KCNJ16: variants seen among roughly 807,000 people sequenced by gnomAD.
KCNJ16 encodes inward rectifier potassium channel 16.
A neutral mutation model predicts 18.5 loss-of-function variants in KCNJ16; 15 were observed. That is an observed-to-expected ratio of 0.81 (90% CI 0.54 to 1.25). The LOEUF is 1.25. KCNJ16 is among the 50% of genes most tolerant of loss of function. KCNJ16 has a pLI of 0.00. For synonymous variants in KCNJ16, 174 were observed against 186.5 expected, an observed-to-expected ratio of 0.93 and a Z score of 0.55; for missense variants, 523 against 525.7, an observed-to-expected ratio of 0.99 and a Z score of 0.05.
At chr17:70,095,448 ATAGAGG>A (rs1345795627) in intron 1 of KCNJ16, among the ~76,000 whole-genome samples, 1 of 152,190 alleles carries the variant, frequency 6.6e-6, no homozygotes, top group Non-Finnish European at 1.5e-5. Context: ...CAAACCATTT[ATAGAGG>A]AAGCCCGGCT....
At chr17:70,101,941 T>C (rs533365224) in intron 2 of KCNJ16, 1 of 152,298 alleles carries the variant, frequency 6.6e-6, no homozygotes, top group East Asian at 1.9e-4. Context: ...TTTTCTATAG[T>C]TTATGTTGTT....
At chr17:70,096,761 C>T (rs929221987) in intron 1 of KCNJ16, 12 of 384,256 alleles carry the variant, frequency 3.1e-5, no homozygotes, top group Admixed American at 1.3e-4. Context: ...CATCTCAGAG[C>T]GAGCGTGAAT....
intron 1 of KCNJ16, among the ~76,000 whole-genome samples, chr17:70,080,248 T>C (rs2071495874): frequency 6.6e-6 from 1 of 152,134 alleles, no homozygotes; most frequent in African/African-American, 2.4e-5. Flanking sequence ...AATAACTGTG[T>C]TTACAGTAGT....
chr17:70,110,810 A>G (rs1156624398), intron 2 of KCNJ16, among the ~76,000 whole-genome samples: 1 of 152,142 alleles, frequency 6.6e-6, no homozygotes, highest in Non-Finnish European at 1.5e-5. Context: ...ATGAAAAGGC[A>G]TCACTCAATT....
At chr17:70,092,529 GACAGATAGAT>G (rs1567782403) in intron 1 of KCNJ16, among the ~76,000 whole-genome samples, 14 of 61,822 alleles carry the variant, frequency 2.3e-4, no homozygotes, top group East Asian at 1.4e-3. Flanking sequence ...TAGATACATA[GACAGATAGAT>G]ATAGATAGAT....
At chr17:70,082,707 T>A (rs913317324) in intron 1 of KCNJ16, among the ~76,000 whole-genome samples, 2 of 152,134 alleles carry the variant, frequency 1.3e-5, no homozygotes, top group African/African-American at 4.8e-5. Context: ...CCACTATCTT[T>A]ATGGAGTAGG....
At chr17:70,096,218 CCTCACTGCTTGTGAGT>C (rs2072364933) in intron 1 of KCNJ16, among the ~76,000 whole-genome samples, 1 of 152,088 alleles carries the variant, frequency 6.6e-6, no homozygotes, top group Admixed American at 6.5e-5. Flanking sequence ...TCAGCAAAAG[CCTCACTGCTTGTGAGT>C]GTCCTGCATA....
chr17:70,108,218 G>A (rs2073020503), intron 2 of KCNJ16: 1 of 152,116 alleles, frequency 6.6e-6, no homozygotes. Flanking sequence ...GAACATAGCT[G>A]GTGTTCAATA....
chr17:70,083,201 T>C (rs1567776901), intron 1 of KCNJ16, among the ~76,000 whole-genome samples: 1 of 148,328 alleles, frequency 6.7e-6, no homozygotes, highest in African/African-American at 2.5e-5. Flanking sequence ...ATTATATATA[T>C]TATATATATA....
At chr17:70,107,614 G>A (rs942928463) in intron 2 of KCNJ16, among the ~76,000 whole-genome samples, 3 of 152,000 alleles carry the variant, frequency 2.0e-5, no homozygotes, top group Admixed American at 6.6e-5. Flanking sequence ...AATGAGCAAA[G>A]GCACAGACAG....
At position 70,132,296 on chromosome 17, in the gene KCNJ16, G is replaced by A; in HGVS notation, c.209G>A (p.Trp70Ter). ...DIFTTLVDTK[W>*]RHMFVIFSLS... is the part of the protein sequence containing the mutation. ...TTCACCACTCTTGTGGACACCAAGT[G>A]GCGCCATATGTTTGTGATATTTTCT... The change falls in exon 4 of 4, where the codon TGG becomes TAG. Residue 70 changes from tryptophan (W) to a stop codon, truncating the protein, a stop_gained. Transcript: ENST00000392671. LOFTEE classifies it high-confidence loss of function. The A allele has an allele frequency of 6.2e-7, 1 of 1,614,204 alleles. No homozygotes were observed. Among genetic ancestry groups the A allele is most frequent in the South Asian group, 1.1e-5 (1 of 91,082 alleles).
At chr17:70,097,722 T>C (rs561602264) in intron 1 of KCNJ16, among the ~76,000 whole-genome samples, 104 of 152,258 alleles carry the variant, frequency 6.8e-4, no homozygotes, top group African/African-American at 2.5e-3. Flanking sequence ...TTGTCTACCA[T>C]CCATAGACCT....
At position 70,132,721 on chromosome 17, in the gene KCNJ16, G is replaced by A. The variant is rs745575464; in HGVS notation, c.634G>A (p.Val212Ile). ...TGGTGATTTTCGGCCAAACCACGTG[G>A]TAGAAGGAACAGTTAGAGCCCAACT... Reference protein sequence around the residue: ...RIGDFRPNHVVEGTVRAQLLR... With the variant: ...RIGDFRPNHVIEGTVRAQLLR... Residue 212 changes from valine to isoleucine, a missense_variant, in exon 4 of 4, where the codon GTA becomes ATA. Val to Ile is a conservative substitution (Grantham distance 29). Coordinates refer to ENST00000392671, the MANE Select transcript of KCNJ16 (RefSeq NM_170741.4). The A allele has an allele frequency of 6.2e-7, 1 of 1,614,120 alleles. No homozygotes were observed. Among genetic ancestry groups the A allele is most frequent in the Non-Finnish European group, 8.5e-7 (1 of 1,180,022 alleles).
At position 70,133,345 on chromosome 17, in the gene KCNJ16, T is replaced by A; in HGVS notation, c.*1T>A. On this transcript the variant is annotated 3_prime_UTR_variant, in exon 4 of 4. Transcript: ENST00000392671. ...AATCTCTGTAGAATCCCAAATGTAG[T>A]CCTAAATTGCAATTATGAGGGCTAC... is the stretch of plus-strand genomic sequence containing the variant. The A allele has an allele frequency of 6.2e-7, 1 of 1,602,278 alleles. No homozygotes were observed. Among genetic ancestry groups the A allele is most frequent in the Non-Finnish European group, 8.5e-7 (1 of 1,172,274 alleles).
chr17:70,096,494 ATTAGCACCTACC>A, intron 1 of KCNJ16: 1 of 154,114 alleles, frequency 6.5e-6, no homozygotes, highest in Non-Finnish European at 1.4e-5. Flanking sequence ...TTATAGTAAC[ATTAGCACCTACC>A]TTCTAAAGTT....
chr17:70,091,180 T>C (rs556636025), intron 1 of KCNJ16, among the ~76,000 whole-genome samples: 74 of 152,316 alleles, frequency 4.9e-4, no homozygotes, highest in African/African-American at 1.7e-3. Flanking sequence ...GAGTAGGTCC[T>C]CCTCAGAACT....
chr17:70,128,786 G>A (rs941752390), intron 2 of KCNJ16: 1 of 152,310 alleles, frequency 6.6e-6, no homozygotes, highest in African/African-American at 2.4e-5. Flanking sequence ...CCCCAAGAGC[G>A]CGGTAACAAA....
intron 2 of KCNJ16, among the ~76,000 whole-genome samples, chr17:70,118,462 GA>G (rs2073500511): frequency 6.6e-6 from 1 of 151,920 alleles, no homozygotes; most frequent in Non-Finnish European, 1.5e-5. Flanking sequence ...AAAAAGAAAA[GA>G]TGTTTAATTG....
intron 1 of KCNJ16, among the ~76,000 whole-genome samples, chr17:70,078,785 A>G (rs1014541303): frequency 6.6e-6 from 1 of 152,202 alleles, no homozygotes; most frequent in Non-Finnish European, 1.5e-5. Context: ...CCATCATAAC[A>G]TAACGTACAA....
Sources: allele counts gnomAD v4.1 joint callset (sites outside exome capture counted in the v4.1 genomes callset), GRCh38; gene constraint gnomAD v4.1.1; transcripts MANE v1.5; gene names NCBI Gene and HGNC (gene_info 2026-07-23, HGNC 2026-07-21).